DNAAF11: variants seen among roughly 807,000 people sequenced by gnomAD.
The protein encoded by DNAAF11 is dynein axonemal assembly factor 11.
DNAAF11 carries 45 observed loss-of-function variants against 60.8 expected under a neutral mutation model. That is an observed-to-expected ratio of 0.74 (90% CI 0.58 to 0.95). The LOEUF (loss-of-function observed/expected upper bound fraction) is 0.95, where lower values mean the gene tolerates loss of function less well. DNAAF11 is among the 40% of genes least tolerant of loss of function. The pLI is 0.00. For synonymous variants in DNAAF11, 191 were observed against 183.5 expected (o/e 1.04, Z -0.33); for missense variants, 546 against 546.2 (o/e 1.00, Z 0.00).
At chr8:132,696,206 T>C in the DNAAF11 span, among the ~76,000 whole-genome samples, 1 of 152,130 alleles carries the variant, frequency 6.6e-6, no homozygotes, top group African/African-American at 2.4e-5. Flanking sequence ...AACATCATTA[T>C]CCATCAGGGA....
At chr8:132,645,559 T>C (rs919642498) in intron 3 of DNAAF11, among the ~76,000 whole-genome samples, 1 of 152,110 alleles carries the variant, frequency 6.6e-6, no homozygotes, top group Non-Finnish European at 1.5e-5. Context: ...TAAAGGAGGA[T>C]GTTTGAACCT....
chr8:132,666,262 A>G (rs1444435766), intron 1 of DNAAF11, among the ~76,000 whole-genome samples: 5 of 152,194 alleles, frequency 3.3e-5, no homozygotes, highest in Admixed American at 6.5e-5. Flanking sequence ...ACAATAATAT[A>G]TAGTTTGAAA....
rs139896265 is a variant in DNAAF11 at position 132,584,300 on chromosome 8, G to A, written c.1141-521C>T. ...ATAATTCTAATACTTTTAAAACTAA[G>A]TAAGCTCAGTGCTAAGCATGTTGAA... On this transcript the variant is annotated intron_variant, in intron 10 of 11. Coordinates refer to ENST00000620350, the MANE Select transcript of DNAAF11 (RefSeq NM_012472.6). Among the ~76,000 whole-genome samples, 603 of 152,250 alleles carry A rather than the reference G, an allele frequency of 4.0e-3. 11 individuals carry two copies. The highest frequency in any genetic ancestry group is 0.014 in the African/African-American group (582 of 41,538).
At chr8:132,643,893 A>G (rs1414988867) in intron 3 of DNAAF11, among the ~76,000 whole-genome samples, 1 of 152,238 alleles carries the variant, frequency 6.6e-6, no homozygotes, top group Non-Finnish European at 1.5e-5. Context: ...TTGAACTATT[A>G]TATTACTATG....
the DNAAF11 span, among the ~76,000 whole-genome samples, chr8:132,695,385 G>A: frequency 1.3e-5 from 2 of 152,126 alleles, no homozygotes; most frequent in African/African-American, 2.4e-5. Flanking sequence ...ATAAGAGAGG[G>A]TGGGCTGCAA....
chr8:132,697,437 G>A, the DNAAF11 span, among the ~76,000 whole-genome samples: 1 of 152,076 alleles, frequency 6.6e-6, no homozygotes, highest in Non-Finnish European at 1.5e-5. Context: ...AGCCAAGATG[G>A]CAAAACCCCA....
At chr8:132,674,392 G>C (rs1416546256) in intron 1 of DNAAF11, among the ~76,000 whole-genome samples, 3 of 152,046 alleles carry the variant, frequency 2.0e-5, no homozygotes, top group African/African-American at 7.2e-5. Context: ...GGTCTTCCAG[G>C]GCAGAAAGCC....
the DNAAF11 span, chr8:132,687,562 C>T: frequency 4.4e-6 from 2 of 455,580 alleles, no homozygotes; most frequent in Admixed American, 4.7e-5. Context: ...AGAAGGCGGA[C>T]CCACACCTTC....
chr8:132,610,330 C>T (rs1025865481), intron 9 of DNAAF11, 69 bp from the exon 10 acceptor site: 4 of 960,746 alleles, frequency 4.2e-6, no homozygotes, highest in African/African-American at 3.2e-5. Context: ...CTAAAAGGGG[C>T]ATTTTCATTA....
At chr8:132,648,866 T>G (rs202229931) in intron 3 of DNAAF11, among the ~76,000 whole-genome samples, 1 of 152,052 alleles carries the variant, frequency 6.6e-6, no homozygotes, top group Non-Finnish European at 1.5e-5. Context: ...AAAGAGGACA[T>G]AAACAAATGG....
intron 3 of DNAAF11, among the ~76,000 whole-genome samples, chr8:132,641,936 A>C (rs1033455914): frequency 6.6e-6 from 1 of 152,208 alleles, no homozygotes; most frequent in Non-Finnish European, 1.5e-5. Flanking sequence ...AAATGGAAAA[A>C]GTAAGATATA....
chr8:132,630,204 A>G (rs1820662037), intron 5 of DNAAF11, among the ~76,000 whole-genome samples: 1 of 152,256 alleles, frequency 6.6e-6, no homozygotes, highest in Non-Finnish European at 1.5e-5. Flanking sequence ...TTGAAAAATG[A>G]GAATATCTCC....
chr8:132,590,076 G>A (rs1167013522), intron 10 of DNAAF11, among the ~76,000 whole-genome samples: 1 of 152,176 alleles, frequency 6.6e-6, no homozygotes, highest in Non-Finnish European at 1.5e-5. Flanking sequence ...TCCATTGCCT[G>A]CCCTGTCTTT....
At chr8:132,611,030 G>A (rs1169512480) in intron 9 of DNAAF11, among the ~76,000 whole-genome samples, 1 of 152,128 alleles carries the variant, frequency 6.6e-6, no homozygotes, top group African/African-American at 2.4e-5. Flanking sequence ...GAGGAGCTGG[G>A]ATTACGGGCA....
intron 3 of DNAAF11, 96 bp downstream of exon 3, chr8:132,656,734 A>C (rs904354989): frequency 1.7e-6 from 1 of 572,732 alleles, no homozygotes; most frequent in Non-Finnish European, 3.1e-6. Context: ...GGCCTCCCAA[A>C]GTGCTGGGAT....
intron 10 of DNAAF11, among the ~76,000 whole-genome samples, chr8:132,608,941 TAAA>T (rs2129923273): frequency 6.6e-6 from 1 of 152,324 alleles, no homozygotes; most frequent in Non-Finnish European, 1.5e-5. Flanking sequence ...GCAGAATTAT[TAAA>T]TTATTACAGA....
chr8:132,599,859 T>G (rs537043302), intron 10 of DNAAF11, among the ~76,000 whole-genome samples: 2 of 152,302 alleles, frequency 1.3e-5, no homozygotes, highest in Non-Finnish European at 2.9e-5. Context: ...CTTTGAAAAC[T>G]GGCACAAGAC....
chr8:132,677,210 G>A (rs551360597), upstream of DNAAF11, among the ~76,000 whole-genome samples: 11 of 152,232 alleles, frequency 7.2e-5, no homozygotes, highest in East Asian at 9.7e-4. Context: ...TAGCAAATTC[G>A]CCTGTGCTTG....
At chr8:132,668,902 G>C (rs1824904226) in intron 1 of DNAAF11, among the ~76,000 whole-genome samples, 3 of 152,194 alleles carry the variant, frequency 2.0e-5, no homozygotes, top group Admixed American at 6.5e-5. Context: ...ACAGCCCTCT[G>C]CTGCCCACCT....
Sources: allele counts gnomAD v4.1 joint callset (sites outside exome capture counted in the v4.1 genomes callset), GRCh38; gene constraint gnomAD v4.1.1; transcripts MANE v1.5; gene names NCBI Gene and HGNC (gene_info 2026-07-23, HGNC 2026-07-21).